Variants in DLG2 observed in about 807,000 individuals in gnomAD.
DLG2 encodes the protein discs large MAGUK scaffold protein 2, also known as disks large homolog 2.
Under a neutral mutation model 132.5 loss-of-function variants are expected in DLG2, and 45 were observed. The observed-to-expected ratio is 0.34, with a 90% confidence interval of 0.27 to 0.44. The LOEUF (loss-of-function observed/expected upper bound fraction) is 0.44, where lower values mean the gene tolerates loss of function less well. Among genes scored for constraint, DLG2 ranks in the 20% least tolerant of loss-of-function variants. The pLI, the probability that DLG2 is intolerant of heterozygous loss-of-function variation, is 1.00. For synonymous variants in DLG2, 424 were observed against 419.6 expected (o/e 1.01, Z -0.13); for missense variants, 1,045 against 1,196.9 (o/e 0.87, Z 1.87).
At chr11:84,584,850 G>A (rs571474620) in intron 6 of DLG2, among the ~76,000 whole-genome samples, 9,301 of 151,176 alleles carry the variant, frequency 0.062, 342 homozygotes, top group South Asian at 0.095. Flanking sequence ...CACTACACCC[G>A]GCTAATTTTT....
chr11:84,713,999 TA>T (rs1325435260), intron 6 of DLG2, among the ~76,000 whole-genome samples: 1 of 152,074 alleles, frequency 6.6e-6, no homozygotes, highest in African/African-American at 2.4e-5. Context: ...ACTACACTTT[TA>T]AAATAAGTCA....
intron 3 of DLG2, among the ~76,000 whole-genome samples, chr11:85,373,176 C>G (rs571937138): frequency 5.9e-5 from 9 of 152,192 alleles, no homozygotes; most frequent in Middle Eastern, 3.4e-3. Flanking sequence ...CTTTTTTTAA[C>G]CAGTCGGACT....
chr11:84,599,774 G>GGC (rs2099571375), intron 6 of DLG2, among the ~76,000 whole-genome samples: 2 of 152,096 alleles, frequency 1.3e-5, no homozygotes, highest in East Asian at 3.9e-4. Flanking sequence ...GCTCACATCT[G>GGC]TAATCCCAAC....
intron 9 of DLG2, among the ~76,000 whole-genome samples, chr11:84,123,883 T>C (rs904787129): frequency 6.6e-6 from 1 of 152,180 alleles, no homozygotes; most frequent in Non-Finnish European, 1.5e-5. Context: ...CTTTCATTAG[T>C]ATAAAAATGT....
chr11:84,621,447 G>C (rs151212876), intron 6 of DLG2, among the ~76,000 whole-genome samples: 1 of 152,212 alleles, frequency 6.6e-6, no homozygotes, highest in East Asian at 1.9e-4. Flanking sequence ...TCCTCAATGA[G>C]TGGGATCACC....
At chr11:83,834,182 G>A (rs150530481) in intron 16 of DLG2, among the ~76,000 whole-genome samples, 8 of 152,298 alleles carry the variant, frequency 5.3e-5, no homozygotes, top group African/African-American at 1.9e-4. Context: ...CAGGTTGTGG[G>A]TTTGTTGTTT....
intron 16 of DLG2, among the ~76,000 whole-genome samples, chr11:83,864,021 C>A (rs1241851403): frequency 3.3e-5 from 5 of 152,150 alleles, no homozygotes; most frequent in Non-Finnish European, 5.9e-5. Flanking sequence ...ACTGAATAGG[C>A]TGTGAAGAAC....
At chr11:85,271,905 T>C (rs1456912387) in intron 4 of DLG2, among the ~76,000 whole-genome samples, 2 of 152,196 alleles carry the variant, frequency 1.3e-5, no homozygotes, top group African/African-American at 2.4e-5. Flanking sequence ...CTGTGTACTT[T>C]TGAGTTAATG....
chr11:85,532,697 G>A lies in DLG2; in HGVS notation c.40+65960C>T, dbSNP rs115779741. ...TAATCTGTTAATAGCTCCACTGGAA[G>A]AGAATACTCTTCCAACTTAGACAGT... On this transcript the variant is annotated intron_variant, in intron 3 of 27. Coordinates refer to ENST00000376104, the MANE Select transcript of DLG2 (RefSeq NM_001142699.3). Among the ~76,000 whole-genome samples the A allele has an allele frequency of 9.2e-3, 1,408 of 152,276 alleles. 19 individuals carry two copies. The highest frequency in any genetic ancestry group is 0.032 in the African/African-American group (1,329 of 41,566).
intron 15 of DLG2, among the ~76,000 whole-genome samples, chr11:83,886,535 T>A (rs1403529175): frequency 6.6e-6 from 1 of 152,174 alleles, no homozygotes; most frequent in Admixed American, 6.5e-5. Flanking sequence ...AATAGACAGA[T>A]GAATGAGACA....
intron 6 of DLG2, among the ~76,000 whole-genome samples, chr11:84,877,038 T>G (rs1032496182): frequency 1.1e-4 from 16 of 152,226 alleles, no homozygotes; most frequent in African/African-American, 3.6e-4. Context: ...GATTGCACTG[T>G]GGTCTGAGAG....
chr11:83,843,408 A>T (rs1327597620), intron 16 of DLG2, among the ~76,000 whole-genome samples: 1 of 152,110 alleles, frequency 6.6e-6, no homozygotes, highest in African/African-American at 2.4e-5. Context: ...TTTTGAAACC[A>T]CATTGTCCTT....
At chr11:83,883,960 G>A (rs2067026285) in intron 15 of DLG2, among the ~76,000 whole-genome samples, 1 of 152,128 alleles carries the variant, frequency 6.6e-6, no homozygotes, top group Admixed American at 6.5e-5. Flanking sequence ...AGAGCTGGTG[G>A]AGCCAAGATG....
chr11:84,967,368 C>A (rs1303797924), intron 6 of DLG2, among the ~76,000 whole-genome samples: 4 of 152,192 alleles, frequency 2.6e-5, no homozygotes, highest in Admixed American at 2.0e-4. Flanking sequence ...GTCAAAAAGG[C>A]TGCCAAGGTA....
chr11:83,994,522 A>T (rs2093916557), intron 11 of DLG2, among the ~76,000 whole-genome samples: 1 of 152,156 alleles, frequency 6.6e-6, no homozygotes, highest in African/African-American at 2.4e-5. Context: ...GGTGAGCACC[A>T]CTGTACCCAG....
Position 85,025,822 on chromosome 11 carries a change from T to C in DLG2, c.357+85839A>G, listed in dbSNP as rs2060466561. 4.0e-5 allele frequency among the ~76,000 whole-genome samples: 6 copies of C among 149,976 alleles called. No individual in the cohort carries two copies. In the South Asian group the frequency reaches 1.3e-3, roughly 32 times the overall value. On this transcript the variant is annotated intron_variant, in intron 6 of 27. Transcript: ENST00000376104. The stretch of plus-strand genomic sequence containing the variant: ...CAGTGGAACAAAGATTAAAAATAGA[T>C]TTGAATATGTATTAGAACTCAGTAT...
intron 14 of DLG2, among the ~76,000 whole-genome samples, chr11:83,950,715 T>C (rs2085205568): frequency 6.6e-6 from 1 of 152,236 alleles, no homozygotes; most frequent in Non-Finnish European, 1.5e-5. Flanking sequence ...CCCTGGACCC[T>C]ACTGAAGCTG....
intron 15 of DLG2, among the ~76,000 whole-genome samples, chr11:83,914,612 T>A (rs985572348): frequency 1.3e-5 from 2 of 152,168 alleles, no homozygotes; most frequent in Non-Finnish European, 2.9e-5. Context: ...GGATACTTTT[T>A]AAAAAATTCT....
intron 6 of DLG2, among the ~76,000 whole-genome samples, chr11:84,632,518 G>C (rs12274936): frequency 6.6e-6 from 1 of 152,070 alleles, no homozygotes; most frequent in Non-Finnish European, 1.5e-5. Context: ...ATGTAAATTT[G>C]ATCCCATTTT....
Sources: allele counts gnomAD v4.1 joint callset (sites outside exome capture counted in the v4.1 genomes callset), GRCh38; gene constraint gnomAD v4.1.1; transcripts MANE v1.5; gene names NCBI Gene and HGNC (gene_info 2026-07-23, HGNC 2026-07-21).